Variants in SYT1 observed in about 807,000 individuals in gnomAD.
The protein encoded by SYT1 is synaptotagmin-1.
In SYT1, 8 loss-of-function variants were observed where a neutral mutation model predicts 44.8. The observed-to-expected ratio is 0.18, with a 90% CI of 0.10 to 0.32. The LOEUF is 0.32. Ranked by LOEUF, SYT1 falls within the 10% of genes least tolerant of loss-of-function variation. The pLI, the probability that SYT1 is intolerant of heterozygous loss-of-function variation, is 1.00. For missense variants in SYT1, 286 were observed against 509.3 expected (o/e 0.56, Z 4.22); for synonymous variants, 154 against 188.8 (o/e 0.82, Z 1.51).
chr12:79,434,262 T>G (rs1676066779), intron 9 of SYT1, among the ~76,000 whole-genome samples: 1 of 152,254 alleles, frequency 6.6e-6, no homozygotes, highest in African/African-American at 2.4e-5. Context: ...AACCCTGCAC[T>G]TAACTAATGT....
chr12:79,098,024 G>A lies in SYT1; in HGVS notation c.-18+50662G>A, dbSNP rs995786114. 2.0e-5 allele frequency among the ~76,000 whole-genome samples: 3 copies of A among 151,870 alleles called. No homozygotes were observed. The South Asian group carries it at 6.2e-4, about 31-fold the overall frequency. ...GTTCTCCTGAAATGTTTTCTATTTTGTTTTCTCCTAGTCTCTCTGGGCTTA... is the reference window on the plus strand; with the variant it reads ...GTTCTCCTGAAATGTTTTCTATTTTATTTTCTCCTAGTCTCTCTGGGCTTA... On this transcript the variant is annotated intron_variant, in intron 3 of 10. Transcript: ENST00000261205.
chr12:79,015,299 C>T (rs1446832197), intron 2 of SYT1, among the ~76,000 whole-genome samples: 1 of 152,084 alleles, frequency 6.6e-6, no homozygotes, highest in East Asian at 1.9e-4. Flanking sequence ...TAAACTTGCA[C>T]TCTAATATAA....
At chr12:78,996,981 C>T (rs1278020437) in intron 2 of SYT1, among the ~76,000 whole-genome samples, 1 of 152,078 alleles carries the variant, frequency 6.6e-6, no homozygotes, top group East Asian at 1.9e-4. Context: ...TCTACAGAAC[C>T]CAAGGAAGCA....
intron 8 of SYT1, among the ~76,000 whole-genome samples, chr12:79,342,850 G>A (rs963086954): frequency 2.0e-5 from 3 of 152,226 alleles, no homozygotes; most frequent in Non-Finnish European, 2.9e-5. Flanking sequence ...TCTAAAACGA[G>A]TGTGAGATAT....
chr12:79,124,303 C>T (rs1868335784), intron 3 of SYT1, among the ~76,000 whole-genome samples: 1 of 151,886 alleles, frequency 6.6e-6, no homozygotes, highest in Non-Finnish European at 1.5e-5. Context: ...TTTAATATAC[C>T]CTTCGCAACT....
intron 9 of SYT1, among the ~76,000 whole-genome samples, chr12:79,387,752 G>A (rs1490048564): frequency 6.6e-6 from 1 of 152,068 alleles, no homozygotes; most frequent in Non-Finnish European, 1.5e-5. Flanking sequence ...GCATTCTGTT[G>A]GGGATACCAA....
At chr12:79,025,404 C>A (rs1322154893) in intron 2 of SYT1, among the ~76,000 whole-genome samples, 1 of 151,632 alleles carries the variant, frequency 6.6e-6, no homozygotes, top group Admixed American at 6.6e-5. Flanking sequence ...GGAAATGATG[C>A]TTAAATTATA....
intron 4 of SYT1, among the ~76,000 whole-genome samples, chr12:79,224,682 T>G (rs927392195): frequency 1.3e-5 from 2 of 151,828 alleles, no homozygotes; most frequent in African/African-American, 4.8e-5. Context: ...AAATGCCTTT[T>G]TGAGCAGAGG....
At chr12:79,418,928 C>A (rs1868924469) in intron 9 of SYT1, among the ~76,000 whole-genome samples, 1 of 152,054 alleles carries the variant, frequency 6.6e-6, no homozygotes, top group Non-Finnish European at 1.5e-5. Context: ...ACAGCTAATT[C>A]AGAATTTCTG....
chr12:79,366,206 G>A (rs1883536645), intron 9 of SYT1, among the ~76,000 whole-genome samples: 1 of 152,164 alleles, frequency 6.6e-6, no homozygotes, highest in Non-Finnish European at 1.5e-5. Context: ...TATATCTCCA[G>A]TTACAGTAAT....
chr12:79,224,564 G>A (rs1875375184), intron 4 of SYT1, among the ~76,000 whole-genome samples: 1 of 151,926 alleles, frequency 6.6e-6, no homozygotes, highest in South Asian at 2.1e-4. Context: ...TAAGTAGATT[G>A]AACGAGGTGG....
chr12:79,241,497 C>G (rs1876511426), intron 4 of SYT1, among the ~76,000 whole-genome samples: 1 of 152,094 alleles, frequency 6.6e-6, no homozygotes, highest in African/African-American at 2.4e-5. Context: ...GTCTCGAACT[C>G]CTGGCCTCAG....
chr12:79,012,900 C>T (rs920054345), intron 2 of SYT1, among the ~76,000 whole-genome samples: 1 of 152,090 alleles, frequency 6.6e-6, no homozygotes, highest in Non-Finnish European at 1.5e-5. Flanking sequence ...CGTACCCCAG[C>T]CCACCTCCAG....
intron 9 of SYT1, among the ~76,000 whole-genome samples, chr12:79,398,697 A>G (rs1159138689): frequency 6.6e-6 from 1 of 152,234 alleles, no homozygotes; most frequent in African/African-American, 2.4e-5. Context: ...GACATGTATC[A>G]AAACATTTGC....
chr12:79,250,691 G>A (rs919284801), intron 4 of SYT1, among the ~76,000 whole-genome samples: 1 of 152,160 alleles, frequency 6.6e-6, no homozygotes, highest in African/African-American at 2.4e-5. Context: ...TCTATGAATT[G>A]TATTTTAGGT....
chr12:79,267,588 C>T (rs1878200530), intron 4 of SYT1, among the ~76,000 whole-genome samples: 1 of 152,202 alleles, frequency 6.6e-6, no homozygotes, highest in African/African-American at 2.4e-5. Context: ...GAAAGACATA[C>T]TGAAAATTTC....
At chr12:78,931,201 AAG>A (rs1440477618) in intron 1 of SYT1, among the ~76,000 whole-genome samples, 5 of 31,516 alleles carry the variant, frequency 1.6e-4, no homozygotes, top group African/African-American at 9.0e-4. Context: ...GAAAGAAAGA[AAG>A]AAAGAAAGAA....
chr12:78,962,305 C>T (rs548110433), intron 1 of SYT1, among the ~76,000 whole-genome samples: 5 of 149,956 alleles, frequency 3.3e-5, no homozygotes, highest in South Asian at 2.1e-4. Context: ...CTGCTTGGTA[C>T]GCAGTAATCA....
At chr12:78,879,456 T>C (rs568672508) in intron 1 of SYT1, among the ~76,000 whole-genome samples, 1 of 151,850 alleles carries the variant, frequency 6.6e-6, no homozygotes, top group Admixed American at 6.6e-5. Context: ...CTGAAAGACA[T>C]CTCAAACTCA....
Sources: gnomAD v4.1 joint callset for allele counts (sites outside exome capture counted in the v4.1 genomes callset) on GRCh38, gnomAD v4.1.1 for gene constraint, MANE v1.5 for transcripts, NCBI Gene and HGNC (gene_info 2026-07-23, HGNC 2026-07-21) for gene names.